TRAPPC9: variants seen among roughly 807,000 people sequenced by gnomAD.
The protein encoded by TRAPPC9 is IKK2 binding protein.
TRAPPC9 carries 83 observed loss-of-function variants against 124.0 expected under a neutral mutation model. The observed-to-expected ratio is 0.67, with a 90% CI of 0.56 to 0.80. The LOEUF is 0.80. Among genes scored for constraint, TRAPPC9 ranks in the 30% least tolerant of loss-of-function variants. The pLI, the probability that TRAPPC9 is intolerant of heterozygous loss-of-function variation, is 0.00. For missense variants in TRAPPC9, 1,302 were observed against 1,508.3 expected (o/e 0.86, Z 2.27); for synonymous variants, 638 against 617.5 (o/e 1.03, Z -0.49).
intron 5 of TRAPPC9, among the ~76,000 whole-genome samples, chr8:140,417,517 T>C (rs546604620): frequency 6.6e-6 from 1 of 152,176 alleles, no homozygotes; most frequent in Non-Finnish European, 1.5e-5. Context: ...TGAGATACCA[T>C]CTCACGCTAG....
In TRAPPC9 at chr8:139,728,243, A is replaced by T. The variant is rs1294608804; in HGVS notation, c.*2818T>A. 6.6e-6 allele frequency among the ~76,000 whole-genome samples: 1 copy of T among 152,214 alleles called. No individual in the cohort carries two copies. The highest frequency in any genetic ancestry group is 1.5e-5 in the Non-Finnish European group (1 of 68,046). ...CCTTGTGAATTTCAGATGACGGAGC[A>T]TGACGGCTGCATGATTATGGGGTCA... On this transcript the variant is annotated 3_prime_UTR_variant, in exon 23 of 23. Coordinates refer to ENST00000438773, the MANE Select transcript of TRAPPC9 (RefSeq NM_001160372.4).
At chr8:139,801,084 A>G (rs538254567) in intron 21 of TRAPPC9, among the ~76,000 whole-genome samples, 8 of 126,646 alleles carry the variant, frequency 6.3e-5, no homozygotes, top group African/African-American at 2.2e-4. Flanking sequence ...CCCTCCCTCC[A>G]GTATCTTCCC....
chr8:139,744,742 G>C (rs1818779619), intron 21 of TRAPPC9, among the ~76,000 whole-genome samples: 1 of 152,220 alleles, frequency 6.6e-6, no homozygotes, highest in Non-Finnish European at 1.5e-5. Flanking sequence ...ATCCTGGGAG[G>C]GCGGTGGTGC....
chr8:140,283,219 C>CA (rs2065378073), intron 14 of TRAPPC9, among the ~76,000 whole-genome samples: 1 of 149,406 alleles, frequency 6.7e-6, no homozygotes, highest in South Asian at 2.1e-4. Flanking sequence ...GCCTGGGTGA[C>CA]AGAGTGGGAC....
chr8:140,296,454 T>C (rs983604597), intron 11 of TRAPPC9, among the ~76,000 whole-genome samples: 3 of 152,060 alleles, frequency 2.0e-5, no homozygotes, highest in Non-Finnish European at 2.9e-5. Context: ...TGTGTAGAGA[T>C]GGGGTTTTGC....
chr8:139,793,182 G>A (rs529473986), intron 21 of TRAPPC9, among the ~76,000 whole-genome samples: 33 of 152,252 alleles, frequency 2.2e-4, no homozygotes, highest in Admixed American at 1.9e-3. Context: ...TCTTGGAGTC[G>A]CTGTCAGGAC....
intron 7 of TRAPPC9, among the ~76,000 whole-genome samples, chr8:140,391,895 G>A (rs544503394): frequency 4.0e-5 from 6 of 151,292 alleles, no homozygotes; most frequent in East Asian, 3.9e-4. Context: ...GGTGTGGTGC[G>A]GGCACCTGTA....
At chr8:140,325,905 C>G (rs908822684) in intron 9 of TRAPPC9, among the ~76,000 whole-genome samples, 1 of 152,036 alleles carries the variant, frequency 6.6e-6, no homozygotes, top group Non-Finnish European at 1.5e-5. Context: ...GAGAGACCCC[C>G]CCAAAAACAC....
intron 9 of TRAPPC9, among the ~76,000 whole-genome samples, chr8:140,347,730 A>G (rs1408136303): frequency 6.6e-6 from 1 of 152,232 alleles, no homozygotes; most frequent in Non-Finnish European, 1.5e-5. Flanking sequence ...CTCCTACTGT[A>G]GTAGTCTTAA....
At chr8:139,884,181 G>C (rs1829856270) in intron 21 of TRAPPC9, among the ~76,000 whole-genome samples, 1 of 152,004 alleles carries the variant, frequency 6.6e-6, no homozygotes, top group African/African-American at 2.4e-5. Context: ...CCTACCCTTA[G>C]GGCCCACCTA....
chr8:140,309,980 G>A (rs2066249714), intron 10 of TRAPPC9, among the ~76,000 whole-genome samples: 1 of 152,192 alleles, frequency 6.6e-6, no homozygotes, highest in African/African-American at 2.4e-5. Flanking sequence ...AAATTCCAGT[G>A]TGGCCTGCCA....
intron 2 of TRAPPC9, among the ~76,000 whole-genome samples, chr8:140,450,546 G>C (rs1200058309): frequency 6.6e-6 from 1 of 152,138 alleles, no homozygotes; most frequent in East Asian, 1.9e-4. Context: ...ACTAAAAAGA[G>C]GGGAGTGTAC....
At chr8:140,101,296 T>C (rs891136404) in intron 17 of TRAPPC9, among the ~76,000 whole-genome samples, 1 of 151,566 alleles carries the variant, frequency 6.6e-6, no homozygotes, top group Non-Finnish European at 1.5e-5. Flanking sequence ...CACACTACGA[T>C]GCCTAATTTT....
intron 19 of TRAPPC9, among the ~76,000 whole-genome samples, chr8:139,913,167 A>C (rs1831864390): frequency 6.6e-6 from 1 of 152,228 alleles, no homozygotes; most frequent in South Asian, 2.1e-4. Flanking sequence ...TGGTTGAGTA[A>C]TCATCACACT....
At chr8:140,301,756 G>T (rs2065985613) in intron 10 of TRAPPC9, among the ~76,000 whole-genome samples, 1 of 152,190 alleles carries the variant, frequency 6.6e-6, no homozygotes, top group Non-Finnish European at 1.5e-5. Flanking sequence ...GTTGTGAGTG[G>T]GAGCCACCGA....
chr8:139,938,580 C>T (rs996912774), intron 19 of TRAPPC9, among the ~76,000 whole-genome samples: 13 of 151,730 alleles, frequency 8.6e-5, no homozygotes, highest in African/African-American at 2.7e-4. Flanking sequence ...CCACTGTGCC[C>T]AGCTAGAAAC....
At chr8:140,125,584 A>AT (rs1442863537) in intron 17 of TRAPPC9, among the ~76,000 whole-genome samples, 13 of 108,258 alleles carry the variant, frequency 1.2e-4, no homozygotes, top group African/African-American at 3.9e-4. Context: ...ATCGAATCTC[A>AT]TTCTTTTTTT....
At chr8:140,186,251 C>T (rs1311876886) in intron 17 of TRAPPC9, among the ~76,000 whole-genome samples, 1 of 152,160 alleles carries the variant, frequency 6.6e-6, no homozygotes, top group Admixed American at 6.5e-5. Context: ...ACATTTTTAT[C>T]ACTGTTCCTT....
chr8:140,142,940 T>C (rs991344193), intron 17 of TRAPPC9, among the ~76,000 whole-genome samples: 6 of 152,146 alleles, frequency 3.9e-5, no homozygotes, highest in Non-Finnish European at 8.8e-5. Context: ...TCTCACTCAC[T>C]CTTCTACTCA....
Sources: allele counts gnomAD v4.1 joint callset (sites outside exome capture counted in the v4.1 genomes callset), GRCh38; gene constraint gnomAD v4.1.1; transcripts MANE v1.5; gene names NCBI Gene and HGNC (gene_info 2026-07-23, HGNC 2026-07-21).